Variants in RC3H1 observed in about 807,000 individuals in gnomAD.
The protein encoded by RC3H1 is roquin-1.
Under a neutral mutation model 138.2 loss-of-function variants are expected in RC3H1, and 50 were observed. That is an observed-to-expected ratio of 0.36 (90% confidence interval 0.29 to 0.46). RC3H1 has a LOEUF of 0.46. RC3H1 is among the 20% of genes least tolerant of loss of function. The pLI, the probability that RC3H1 is intolerant of heterozygous loss-of-function variation, is 1.00. For missense variants in RC3H1, 1,031 were observed against 1,388.1 expected (o/e 0.74, Z 4.09); for synonymous variants, 462 against 489.1 (o/e 0.94, Z 0.73).
rs912041375 is a variant in RC3H1, at chr1:173,932,801, C to T, written c.*5920G>A. On this transcript the variant is annotated 3_prime_UTR_variant, in exon 20 of 20. Transcript: ENST00000367696. The stretch of plus-strand genomic sequence containing the variant: ...CAAATAAATGGTGATTAAAAAAAGG[C>T]AAATAATAATAATAATAATAATAGA... 3.3e-5 allele frequency: 5 copies of T among 151,792 alleles called. No individual in the cohort carries two copies. Among genetic ancestry groups the T allele is most frequent in the Admixed American group, 3.3e-4 (5 of 15,234 alleles). 9.4% of individuals were successfully genotyped at this position (151,792 alleles called of 1,614,324 possible).
intron 1 of RC3H1, among the ~76,000 whole-genome samples, chr1:174,007,000 T>C (rs1661664072): frequency 6.6e-6 from 1 of 152,092 alleles, no homozygotes; most frequent in South Asian, 2.1e-4. Flanking sequence ...AGGCCCCCCC[T>C]CACTATCCCT....
chr1:174,005,310 C>T (rs192396961), intron 1 of RC3H1, among the ~76,000 whole-genome samples: 2 of 152,288 alleles, frequency 1.3e-5, no homozygotes, highest in African/African-American at 4.8e-5. Flanking sequence ...ACTAGCAGAA[C>T]TACCAAACTA....
chr1:173,996,299 C>T (rs1661460659), intron 1 of RC3H1, among the ~76,000 whole-genome samples: 1 of 151,898 alleles, frequency 6.6e-6, no homozygotes, highest in Non-Finnish European at 1.5e-5. Flanking sequence ...AAAAAAAAGC[C>T]TTGAAGACCA....
chr1:173,954,032 C>G (rs1296811873), intron 13 of RC3H1, among the ~76,000 whole-genome samples: 1 of 151,986 alleles, frequency 6.6e-6, no homozygotes, highest in Non-Finnish European at 1.5e-5. Context: ...GAGTGAGACT[C>G]CATCTCAAAT....
At chr1:173,959,175 A>G (rs1265471241) in intron 13 of RC3H1, among the ~76,000 whole-genome samples, 1 of 152,188 alleles carries the variant, frequency 6.6e-6, no homozygotes, top group East Asian at 1.9e-4. Context: ...GATTATTCAG[A>G]GGACATAATT....
At chr1:174,010,527 A>AC (rs1312269240) in intron 1 of RC3H1, among the ~76,000 whole-genome samples, 5 of 151,860 alleles carry the variant, frequency 3.3e-5, no homozygotes, top group Admixed American at 6.6e-5. Flanking sequence ...CAATCCTCCC[A>AC]CCTCAGTCTC....
rs1436281447 is a variant in RC3H1, at chr1:173,931,603, T to C, written c.*7118A>G. ...TTTCTTTTTTTCCACCACACTTGTT[T>C]TGAAAGCTGCTTAAAAATCAGAAAT... On this transcript the variant is annotated 3_prime_UTR_variant, in exon 20 of 20. Transcript: ENST00000367696. 5 of 152,160 alleles carry C rather than the reference T, an allele frequency of 3.3e-5. No homozygotes were observed. The highest frequency in any genetic ancestry group is 1.2e-4 in the African/African-American group (5 of 41,422). 9.4% of individuals were successfully genotyped at this position (152,160 alleles called of 1,614,324 possible).
chr1:173,966,139 CA>C (rs902076424), intron 9 of RC3H1, among the ~76,000 whole-genome samples: 147 of 150,922 alleles, frequency 9.7e-4, no homozygotes, highest in African/African-American at 3.4e-3. Context: ...GACCCTGTTT[CA>C]AAAAAAAATT....
At chr1:173,940,324 AG>A (rs1658792470) in intron 19 of RC3H1, among the ~76,000 whole-genome samples, 1 of 152,164 alleles carries the variant, frequency 6.6e-6, no homozygotes, top group African/African-American at 2.4e-5. Flanking sequence ...ATACAAAATT[AG>A]CCAGGCATGG....
At chr1:174,008,914 T>C (rs952478982) in intron 1 of RC3H1, among the ~76,000 whole-genome samples, 2 of 148,122 alleles carry the variant, frequency 1.4e-5, no homozygotes, top group East Asian at 4.0e-4. Context: ...GAGGCGGAGG[T>C]TGCAGTGAGC....
chr1:174,009,638 A>G (rs935324552), intron 1 of RC3H1, among the ~76,000 whole-genome samples: 1 of 152,154 alleles, frequency 6.6e-6, no homozygotes, highest in African/African-American at 2.4e-5. Flanking sequence ...TAGGAGTTCA[A>G]GACCAGCCCG....
intron 7 of RC3H1, 47 bp from the exon 8 acceptor site, chr1:173,972,674 T>C (rs1206228503): frequency 7.9e-7 from 1 of 1,258,984 alleles, no homozygotes; most frequent in Non-Finnish European, 1.2e-6. Flanking sequence ...TACTCAAAAT[T>C]TTCCCTAATA....
chr1:173,998,455 T>G (rs768848288), intron 1 of RC3H1, among the ~76,000 whole-genome samples: 1 of 152,148 alleles, frequency 6.6e-6, no homozygotes, highest in Non-Finnish European at 1.5e-5. Flanking sequence ...TACATGATAA[T>G]TAAATAGCAA....
chr1:173,947,439 T>C lies in RC3H1; in HGVS notation c.2667A>G (p.Ile889Met), dbSNP rs138633966. Residue 889 changes from isoleucine to methionine, a missense_variant, in exon 15 of 20, where the codon ATA (isoleucine) becomes ATG (methionine). Physicochemically the swap from Ile to Met is conservative, Grantham distance 10. Transcript: ENST00000367696. ...CCTGCATTGGACCAGCACCCTGATA[T>C]ATAGTTTTGGAAGTTCGTGAGATGG... is the stretch of plus-strand genomic sequence containing the variant. ...FGAISRTSKT[I>M]YQGAGPMQAM... 6 of 1,613,950 alleles carry C rather than the reference T, an allele frequency of 3.7e-6. No individual in the cohort carries two copies. In the African/African-American group the frequency reaches 8.0e-5, roughly 22 times the overall value.
chr1:173,949,877 T>C (rs1388828716), intron 14 of RC3H1, among the ~76,000 whole-genome samples: 1 of 152,002 alleles, frequency 6.6e-6, no homozygotes, highest in Non-Finnish European at 1.5e-5. Flanking sequence ...GCTACAGATA[T>C]AAATACAGAC....
At chr1:173,974,195 A>T (rs1660477884) in intron 7 of RC3H1, among the ~76,000 whole-genome samples, 1 of 146,120 alleles carries the variant, frequency 6.8e-6, no homozygotes, top group Non-Finnish European at 1.5e-5. Context: ...TAGGAGAATC[A>T]CTTCAACCTG....
chr1:173,992,596 A>G (rs1471740668), intron 2 of RC3H1, among the ~76,000 whole-genome samples, 159 bp downstream of exon 2: 1 of 152,148 alleles, frequency 6.6e-6, no homozygotes, highest in Non-Finnish European at 1.5e-5. Flanking sequence ...AAACAGAATT[A>G]TACCTATTTA....
chr1:173,938,870 C>A lies in RC3H1; in HGVS notation c.3253G>T (p.Asp1085Tyr). 6.3e-7 allele frequency: 1 copy of A among 1,579,594 alleles called. No individual in the cohort carries two copies. The highest frequency in any genetic ancestry group is 1.2e-5 in the South Asian group (1 of 85,364). ...PAEDLTLTFS[D>Y]VPNGSALTQE... ...GTCAAGGCTGATCCATTTGGTACAT[C>A]ACTGCTGACATTTTAAAATTTTGAA... The change falls in exon 20 of 20, where the codon GAT (aspartate) becomes TAT (tyrosine). Residue 1085 changes from aspartate to tyrosine, a missense_variant and splice_region_variant. Asp to Tyr is a radical substitution (Grantham distance 160). Coordinates refer to ENST00000367696, the MANE Select transcript of RC3H1 (RefSeq NM_172071.4).
chr1:174,006,334 T>A (rs1468011743), intron 1 of RC3H1, among the ~76,000 whole-genome samples: 1 of 152,220 alleles, frequency 6.6e-6, no homozygotes, highest in Non-Finnish European at 1.5e-5. Context: ...CCCCAAATAT[T>A]TTCTCTATCT....
Sources: gnomAD v4.1 joint callset for allele counts (sites outside exome capture counted in the v4.1 genomes callset) on GRCh38, gnomAD v4.1.1 for gene constraint, MANE v1.5 for transcripts, NCBI Gene and HGNC (gene_info 2026-07-23, HGNC 2026-07-21) for gene names.